Variants in MAGI2 observed in about 807,000 individuals in gnomAD.
MAGI2 encodes the protein membrane associated guanylate kinase, WW and PDZ domain containing 2.
Under a neutral mutation model 133.3 loss-of-function variants are expected in MAGI2, and 35 were observed. The observed-to-expected ratio is 0.26, with a 90% CI of 0.20 to 0.35. The LOEUF (loss-of-function observed/expected upper bound fraction) is 0.35, where lower values mean the gene tolerates loss of function less well. Ranked by LOEUF, MAGI2 falls within the 10% of genes least tolerant of loss-of-function variation. The probability of loss-of-function intolerance (pLI) is 1.00; values close to 1 mark genes in which losing one functional copy is unlikely to be tolerated. For synonymous variants in MAGI2, 729 were observed against 710.6 expected (o/e 1.03, Z -0.41); for missense variants, 1,636 against 1,863.4 (o/e 0.88, Z 2.25).
At chr7:78,259,923 T>G (rs922836289) in intron 9 of MAGI2, among the ~76,000 whole-genome samples, 1 of 152,202 alleles carries the variant, frequency 6.6e-6, no homozygotes, top group Non-Finnish European at 1.5e-5. Context: ...GAACTATTTG[T>G]GTTTCTTAGT....
At position 78,305,680 on chromosome 7, in the gene MAGI2, G is replaced by T. The variant is rs569425190; in HGVS notation, c.1408+38098C>A. Among the ~76,000 whole-genome samples, 3 of 152,172 alleles carry T rather than the reference G, an allele frequency of 2.0e-5. No individual in the cohort carries two copies. In the South Asian group the frequency reaches 6.3e-4, roughly 32 times the overall value. ...GGGGGACTCAGGAATCCTCTAGAAGGGCAACTCCCTTTGCATTCTCCAAGG... is the reference window on the plus strand; with the variant it reads ...GGGGGACTCAGGAATCCTCTAGAAGTGCAACTCCCTTTGCATTCTCCAAGG... On this transcript the variant is annotated intron_variant, in intron 9 of 21. Coordinates refer to ENST00000354212, the MANE Select transcript of MAGI2 (RefSeq NM_012301.4).
intron 1 of MAGI2, among the ~76,000 whole-genome samples, chr7:79,403,040 T>C (rs1001255512): frequency 6.6e-6 from 1 of 152,184 alleles, no homozygotes; most frequent in Non-Finnish European, 1.5e-5. Flanking sequence ...ATTAACCATA[T>C]AAAGTGCTTA....
chr7:78,784,564 C>G (rs1826652701), intron 2 of MAGI2, among the ~76,000 whole-genome samples: 1 of 152,170 alleles, frequency 6.6e-6, no homozygotes, highest in African/African-American at 2.4e-5. Context: ...TCATAAGACC[C>G]TGATTCCGAA....
At chr7:79,301,862 C>T (rs961572354) in intron 1 of MAGI2, among the ~76,000 whole-genome samples, 4 of 152,170 alleles carry the variant, frequency 2.6e-5, no homozygotes, top group Non-Finnish European at 5.9e-5. Flanking sequence ...GTGCTGTCTT[C>T]ATGATAGTGA....
intron 2 of MAGI2, among the ~76,000 whole-genome samples, chr7:78,888,754 G>C (rs112323932): frequency 0.062 from 9,362 of 152,062 alleles, 356 homozygotes; most frequent in Middle Eastern, 0.11. Flanking sequence ...AAGACCAAAG[G>C]TAGATAAAAC....
At chr7:78,033,378 T>G (rs1809803458) in intron 21 of MAGI2, among the ~76,000 whole-genome samples, 1 of 145,144 alleles carries the variant, frequency 6.9e-6, no homozygotes, top group Admixed American at 7.2e-5. Flanking sequence ...GAGGTTGAGG[T>G]GGGAGGATCA....
At chr7:79,366,301 T>C (rs1842709188) in intron 1 of MAGI2, among the ~76,000 whole-genome samples, 1 of 152,168 alleles carries the variant, frequency 6.6e-6, no homozygotes, top group South Asian at 2.1e-4. Context: ...TGTTATACAC[T>C]GTATGATTCC....
At position 78,343,853 on chromosome 7, in the gene MAGI2, C is replaced by G. The variant is rs758636095; in HGVS notation, c.1333G>C (p.Glu445Gln). ...GFGFTIIGGDEPDEFLQVKSV... is the reference protein window; with the variant it reads ...GFGFTIIGGDQPDEFLQVKSV... ...TTCACCTGCAGAAACTCATCAGGCT[C>G]GTCTCCACCAATGATGGTAAATCCA... Residue 445 changes from glutamate (E) to glutamine (Q), a missense_variant, in exon 9 of 22, where the codon GAG (glutamate) becomes CAG (glutamine). Glu to Gln is a conservative substitution (Grantham distance 29, BLOSUM62 2). Around this residue, in one of 5 missense-constraint regions of MAGI2, gnomAD observed 920 missense variants for 1,093.5 expected, o/e 0.84. Transcript: ENST00000354212. 9 of 1,613,232 alleles carry G rather than the reference C, an allele frequency of 5.6e-6. No homozygotes were observed. Among genetic ancestry groups the G allele is most frequent in the South Asian group, 1.1e-5 (1 of 90,886 alleles).
chr7:79,321,395 G>A (rs187501277), intron 1 of MAGI2, among the ~76,000 whole-genome samples: 4 of 152,192 alleles, frequency 2.6e-5, no homozygotes, highest in Admixed American at 2.6e-4. Flanking sequence ...ATATATCCAT[G>A]TTCCTTAAAA....
At chr7:79,125,218 G>A in intron 1 of MAGI2, 1 of 394,544 alleles carries the variant, frequency 2.5e-6, no homozygotes, top group Non-Finnish European at 4.9e-6. Flanking sequence ...GGATAAGACT[G>A]TCATTCAGAA....
intron 3 of MAGI2, among the ~76,000 whole-genome samples, chr7:78,559,344 A>C (rs1200431323): frequency 1.3e-5 from 2 of 151,666 alleles, no homozygotes; most frequent in Admixed American, 1.3e-4. Flanking sequence ...ATCTATTTTG[A>C]AACTACTGTA....
intron 1 of MAGI2, among the ~76,000 whole-genome samples, chr7:79,145,919 T>C (rs1822574582): frequency 6.6e-6 from 1 of 152,232 alleles, no homozygotes; most frequent in Admixed American, 6.5e-5. Flanking sequence ...AAGGCGTTTC[T>C]TCTTGATTCA....
At chr7:78,986,024 C>T (rs565019981) in intron 2 of MAGI2, among the ~76,000 whole-genome samples, 6 of 152,044 alleles carry the variant, frequency 3.9e-5, no homozygotes, top group Non-Finnish European at 8.8e-5. Context: ...TTGTCACATA[C>T]TATCAGTTAC....
In MAGI2 at chr7:78,439,184, C is replaced by T. The variant is rs116042791; in HGVS notation, c.1045+50577G>A. 9.7e-3 allele frequency among the ~76,000 whole-genome samples: 1,471 copies of T among 152,252 alleles called. 25 individuals carry two copies. The highest frequency in any genetic ancestry group is 0.034 in the African/African-American group (1,426 of 41,550). On this transcript the variant is annotated intron_variant, in intron 6 of 21. Transcript: ENST00000354212. ...ACAGTGTTTGTGGAATTTTCAGTTC[C>T]TTGGATGTGCCTTCATAATTTCGGA... is the stretch of plus-strand genomic sequence containing the variant.
chr7:78,556,810 C>T (rs545640547), intron 3 of MAGI2, among the ~76,000 whole-genome samples: 13 of 152,132 alleles, frequency 8.5e-5, no homozygotes, highest in South Asian at 8.3e-4. Context: ...GGTTTGCCGC[C>T]GGGCATGGTG....
At chr7:78,740,953 A>G (rs1278288072) in intron 2 of MAGI2, among the ~76,000 whole-genome samples, 1 of 152,252 alleles carries the variant, frequency 6.6e-6, no homozygotes, top group Non-Finnish European at 1.5e-5. Flanking sequence ...CAATTCAGAC[A>G]GAAATTGGTT....
At chr7:79,303,176 G>A (rs939072146) in intron 1 of MAGI2, among the ~76,000 whole-genome samples, 1 of 151,910 alleles carries the variant, frequency 6.6e-6, no homozygotes, top group African/African-American at 2.4e-5. Context: ...GGGGTATGAG[G>A]GACACAAAGC....
At chr7:78,384,182 G>C (rs1038488820) in intron 6 of MAGI2, among the ~76,000 whole-genome samples, 2 of 151,954 alleles carry the variant, frequency 1.3e-5, no homozygotes, top group African/African-American at 4.8e-5. Context: ...GATTGGTTTG[G>C]ACAATGTAGT....
At chr7:78,345,418 G>T (rs1234367591) in intron 8 of MAGI2, 1 of 152,774 alleles carries the variant, frequency 6.5e-6, no homozygotes, top group Non-Finnish European at 1.5e-5. Flanking sequence ...GTGTAGTCAG[G>T]TCCCGCAAGC....
Sources: allele counts gnomAD v4.1 joint callset (sites outside exome capture counted in the v4.1 genomes callset), GRCh38; gene constraint gnomAD v4.1.1; regional missense constraint gnomAD v4.1.1; transcripts MANE v1.5; gene names NCBI Gene and HGNC (gene_info 2026-07-23, HGNC 2026-07-21).